CSMD1: variants seen among roughly 807,000 people sequenced by gnomAD.
The protein encoded by CSMD1 is CUB and sushi domain-containing protein 1.
CSMD1 carries 213 observed loss-of-function variants against 417.5 expected under a neutral mutation model. The observed-to-expected ratio is 0.51, with a 90% confidence interval of 0.46 to 0.57. CSMD1 has a LOEUF of 0.57. Ranked by LOEUF, CSMD1 falls within the 20% of genes least tolerant of loss-of-function variation. The probability of loss-of-function intolerance (pLI) is 0.00; values close to 1 mark genes in which losing one functional copy is unlikely to be tolerated. For synonymous variants in CSMD1, 2,862 were observed against 1,736.8 expected (o/e 1.65, Z -16.11); for missense variants, 6,923 against 4,529.7 (o/e 1.53, Z -15.17).
At position 3,108,741 on chromosome 8, in the gene CSMD1, G is replaced by T. The variant is rs761060510; in HGVS notation, c.6616C>A (p.Pro2206Thr). The T allele has an allele frequency of 6.2e-7, 1 of 1,612,364 alleles. No individual in the cohort carries two copies. Residue 2206 changes from proline (P) to threonine (T), a missense_variant, in exon 44 of 70, where the codon CCC (proline) becomes ACC (threonine). Physicochemically the swap from Pro to Thr is conservative, Grantham distance 38 (BLOSUM62 -1). Coordinates refer to ENST00000635120, the MANE Select transcript of CSMD1 (RefSeq NM_033225.6). ...VNDYIAVWDG[P>T]DQNSPQLGVF... ...CCCAGCTGGGGTGAGTTCTGATCGGGACCGTCCCTAGGAAAGACAGAAAGA... is the reference window on the plus strand; with the variant it reads ...CCCAGCTGGGGTGAGTTCTGATCGGTACCGTCCCTAGGAAAGACAGAAAGA...
intron 5 of CSMD1, among the ~76,000 whole-genome samples, chr8:3,830,149 A>G (rs1254444830): frequency 1.3e-5 from 2 of 152,174 alleles, no homozygotes; most frequent in Non-Finnish European, 2.9e-5. Context: ...TTCATACTAT[A>G]TGCTCCAGAG....
At chr8:4,702,194 G>C (rs1276731764) in intron 1 of CSMD1, among the ~76,000 whole-genome samples, 1 of 152,128 alleles carries the variant, frequency 6.6e-6, no homozygotes, top group Admixed American at 6.5e-5. Flanking sequence ...GACAGGTGCA[G>C]CAAACCACTA....
intron 1 of CSMD1, among the ~76,000 whole-genome samples, chr8:4,694,537 G>A (rs973736989): frequency 1.3e-5 from 2 of 151,600 alleles, no homozygotes; most frequent in Non-Finnish European, 2.9e-5. Flanking sequence ...TTTTGGGGGG[G>A]TATTTTTAGT....
intron 3 of CSMD1, among the ~76,000 whole-genome samples, chr8:4,248,231 G>A (rs1203858895): frequency 1.3e-5 from 2 of 152,070 alleles, no homozygotes; most frequent in Admixed American, 6.6e-5. Context: ...GCAGACAGTT[G>A]GCAGGACTAG....
intron 2 of CSMD1, among the ~76,000 whole-genome samples, chr8:4,502,826 C>G (rs370410255): frequency 6.6e-6 from 1 of 152,068 alleles, no homozygotes; most frequent in African/African-American, 2.4e-5. Context: ...GTGTGTATGA[C>G]GGTGTGCTGC....
chr8:2,969,117 A>T (rs953727912), intron 57 of CSMD1, among the ~76,000 whole-genome samples: 2 of 152,164 alleles, frequency 1.3e-5, no homozygotes, highest in Non-Finnish European at 2.9e-5. Context: ...GCCTTTAACC[A>T]TAAAATGAGT....
At chr8:3,518,625 G>C (rs534769149) in intron 10 of CSMD1, among the ~76,000 whole-genome samples, 1 of 152,258 alleles carries the variant, frequency 6.6e-6, no homozygotes, top group Admixed American at 6.5e-5. Context: ...AGTTAATGTA[G>C]GGTATCAAAA....
intron 37 of CSMD1, among the ~76,000 whole-genome samples, chr8:3,166,373 C>G (rs1820216903): frequency 6.6e-6 from 1 of 151,754 alleles, no homozygotes; most frequent in Admixed American, 6.6e-5. Context: ...GTCTCGACCA[C>G]AAATGCAAAA....
intron 3 of CSMD1, among the ~76,000 whole-genome samples, chr8:4,292,845 G>C (rs953997168): frequency 6.6e-6 from 1 of 152,152 alleles, no homozygotes; most frequent in Non-Finnish European, 1.5e-5. Flanking sequence ...CCTAAGAATA[G>C]AGATGGAATA....
At chr8:3,321,958 TAC>T (rs1197164631) in intron 23 of CSMD1, among the ~76,000 whole-genome samples, 1 of 152,230 alleles carries the variant, frequency 6.6e-6, no homozygotes. Flanking sequence ...AAATGGAACC[TAC>T]ACAGTTTCAT....
chr8:3,774,080 T>A (rs1299934130), intron 5 of CSMD1, among the ~76,000 whole-genome samples: 1 of 152,192 alleles, frequency 6.6e-6, no homozygotes, highest in Non-Finnish European at 1.5e-5. Flanking sequence ...GGCTGAGTCA[T>A]GCAGCTTCTT....
intron 1 of CSMD1, among the ~76,000 whole-genome samples, chr8:4,942,149 A>C (rs757633124): frequency 5.3e-5 from 8 of 151,998 alleles, no homozygotes; most frequent in Non-Finnish European, 7.4e-5. Flanking sequence ...TATACTCCCT[A>C]TTTATTTTTC....
intron 5 of CSMD1, among the ~76,000 whole-genome samples, chr8:3,988,156 G>C (rs1447147919): frequency 6.6e-6 from 1 of 152,106 alleles, no homozygotes; most frequent in Non-Finnish European, 1.5e-5. Context: ...AGTTGGGCTG[G>C]TTCAGAAAAC....
intron 3 of CSMD1, among the ~76,000 whole-genome samples, chr8:4,271,406 G>A (rs1020395947): frequency 2.0e-5 from 3 of 152,122 alleles, no homozygotes; most frequent in African/African-American, 7.2e-5. Context: ...AGCTTTGCCT[G>A]ATGCCCTGTT....
Position 3,399,415 on chromosome 8 carries a change from T to C in CSMD1, c.2381A>G (p.His794Arg). The change falls in exon 16 of 70, where the codon CAC becomes CGC. Residue 794 changes from histidine to arginine, a missense_variant. Physicochemically the swap from His to Arg is conservative, Grantham distance 29 (BLOSUM62 0). Transcript: ENST00000635120. ...CCTGTCAAAAGTTATTTTGATAGAG[T>C]GGCCTGGTTTTGCTTCAATTATCCA... The part of the protein sequence containing the change: ...CEWIIEAKPG[H>R]SIKITFDRFQ... 1 of 1,606,048 alleles carries C rather than the reference T, an allele frequency of 6.2e-7. No individual in the cohort carries two copies. Among genetic ancestry groups the C allele is most frequent in the Non-Finnish European group, 8.5e-7 (1 of 1,176,784 alleles).
At chr8:3,922,484 T>C (rs574273447) in intron 5 of CSMD1, among the ~76,000 whole-genome samples, 58 of 152,236 alleles carry the variant, frequency 3.8e-4, no homozygotes, top group African/African-American at 1.3e-3. Flanking sequence ...TCTTTCATAA[T>C]TTGATAATTT....
intron 1 of CSMD1, among the ~76,000 whole-genome samples, chr8:4,656,652 C>A (rs1804251988): frequency 6.6e-6 from 1 of 151,416 alleles, no homozygotes; most frequent in African/African-American, 2.5e-5. Context: ...TCAAAGTTCT[C>A]TGAGATAGTC....
chr8:4,932,605 A>G (rs1807319909), intron 1 of CSMD1, among the ~76,000 whole-genome samples: 1 of 152,186 alleles, frequency 6.6e-6, no homozygotes, highest in Non-Finnish European at 1.5e-5. Context: ...TGGCAAATAG[A>G]CCCAACAGGG....
intron 1 of CSMD1, among the ~76,000 whole-genome samples, chr8:4,776,143 A>C (rs746169529): frequency 6.6e-6 from 1 of 152,134 alleles, no homozygotes; most frequent in Non-Finnish European, 1.5e-5. Context: ...CAGAACACCA[A>C]GGTGAAGAAG....
Sources: allele counts gnomAD v4.1 joint callset (sites outside exome capture counted in the v4.1 genomes callset), GRCh38; gene constraint gnomAD v4.1.1; transcripts MANE v1.5; gene names NCBI Gene and HGNC (gene_info 2026-07-23, HGNC 2026-07-21).